The following NPAS3 variants were observed in gnomAD, a reference collection of about 807,000 sequenced individuals.
The protein encoded by NPAS3 is neuronal PAS domain protein 3.
Under a neutral mutation model 73.1 loss-of-function variants are expected in NPAS3, and 14 were observed. That is an observed-to-expected ratio of 0.19 (90% CI 0.13 to 0.30). NPAS3 has a LOEUF of 0.30. Ranked by LOEUF, NPAS3 falls within the 10% of genes least tolerant of loss-of-function variation. NPAS3 has a pLI of 1.00. For missense variants in NPAS3, 1,096 were observed against 1,250.0 expected (o/e 0.88, Z 1.86); for synonymous variants, 620 against 541.5 (o/e 1.14, Z -2.01).
intron 2 of NPAS3, among the ~76,000 whole-genome samples, chr14:33,105,358 G>T (rs1347201692): frequency 1.3e-5 from 2 of 152,106 alleles, no homozygotes; most frequent in Non-Finnish European, 2.9e-5. Context: ...AGATAAATGT[G>T]GTAAGAAATG....
chr14:33,216,991 G>A (rs1257129036), intron 3 of NPAS3, among the ~76,000 whole-genome samples: 7 of 152,140 alleles, frequency 4.6e-5, no homozygotes, highest in Non-Finnish European at 8.8e-5. Context: ...AAAACTACCC[G>A]AGAATGGATA....
chr14:33,446,236 C>T (rs1407024723), intron 4 of NPAS3, among the ~76,000 whole-genome samples: 3 of 141,070 alleles, frequency 2.1e-5, no homozygotes, highest in Admixed American at 7.6e-5. Flanking sequence ...ACTGCAGTGG[C>T]GCAATCTCGG....
intron 6 of NPAS3, among the ~76,000 whole-genome samples, chr14:33,717,230 CAAAAAAAA>C (rs35800734): frequency 9.8e-6 from 1 of 102,218 alleles, no homozygotes; most frequent in Non-Finnish European, 2.0e-5. Context: ...TGATCATGGC[CAAAAAAAA>C]AAAAAAAAAA....
intron 9 of NPAS3, among the ~76,000 whole-genome samples, chr14:33,790,391 T>C (rs1183368360): frequency 1.3e-5 from 2 of 152,204 alleles, no homozygotes; most frequent in Non-Finnish European, 2.9e-5. Context: ...TTTTCTGTGT[T>C]TTTCAAGTTC....
rs376780700 is a variant in NPAS3 at position 33,022,652 on chromosome 14, G to A, written c.51-33253G>A. Among the ~76,000 whole-genome samples the A allele has an allele frequency of 5.5e-5, 7 of 126,994 alleles. No individual in the cohort carries two copies. In the East Asian group the frequency reaches 8.7e-4, roughly 16 times the overall value. The allele number at this position is 126,994 out of a possible 152,430, so 83.3% of individuals were successfully genotyped here. On this transcript the variant is annotated intron_variant, in intron 1 of 11. Coordinates refer to ENST00000356141, the Ensembl canonical transcript of NPAS3. ...CGCACTCCAGCCTGGGCGACAGAGC[G>A]AGACTCCGTCCCAAAAAAAAAAAAA...
chr14:33,469,992 C>A (rs1032637021), intron 4 of NPAS3, among the ~76,000 whole-genome samples: 1 of 152,128 alleles, frequency 6.6e-6, no homozygotes, highest in Non-Finnish European at 1.5e-5. Flanking sequence ...TAGTCTGCAG[C>A]CACACTCCAA....
At chr14:32,996,382 C>T (rs376175334) in intron 1 of NPAS3, among the ~76,000 whole-genome samples, 66 of 152,174 alleles carry the variant, frequency 4.3e-4, no homozygotes, top group African/African-American at 1.5e-3. Context: ...CAGAAATTTG[C>T]ATAAATAACG....
chr14:33,251,683 A>C (rs2048590169), intron 3 of NPAS3, among the ~76,000 whole-genome samples: 1 of 152,100 alleles, frequency 6.6e-6, no homozygotes, highest in Non-Finnish European at 1.5e-5. Context: ...AACAAATATG[A>C]AAAAAATCTT....
At position 33,557,741 on chromosome 14, in the gene NPAS3, G is replaced by A. The variant is rs1030806211; in HGVS notation, c.469-2380G>A. 5.9e-5 allele frequency among the ~76,000 whole-genome samples: 9 copies of A among 152,142 alleles called. No homozygotes were observed. The East Asian group carries it at 7.7e-4, about 13-fold the overall frequency. ...TCCCAGCACTTTGGGAGGCCGAGGC[G>A]GGCAGATCACGAGGTCAGGAGATCA... On this transcript the variant is annotated intron_variant, in intron 4 of 11. Coordinates refer to ENST00000356141, the Ensembl canonical transcript of NPAS3.
At chr14:33,105,068 T>G (rs909342998) in intron 2 of NPAS3, among the ~76,000 whole-genome samples, 4 of 152,162 alleles carry the variant, frequency 2.6e-5, no homozygotes, top group African/African-American at 9.7e-5. Flanking sequence ...TGGAGAAGTG[T>G]GTATATATAT....
chr14:33,411,297 C>G (rs1333500904), intron 4 of NPAS3, among the ~76,000 whole-genome samples: 2 of 152,188 alleles, frequency 1.3e-5, no homozygotes, highest in Non-Finnish European at 1.5e-5. Context: ...ATTCTCCTGC[C>G]GCAGCCTCCC....
chr14:33,439,640 A>G (rs2049148055), intron 4 of NPAS3, among the ~76,000 whole-genome samples: 2 of 152,250 alleles, frequency 1.3e-5, no homozygotes, highest in Admixed American at 6.5e-5. Context: ...TTTAAAAATG[A>G]TAAATTAAGA....
chr14:33,113,260 G>T (rs2042954775), intron 2 of NPAS3, among the ~76,000 whole-genome samples: 1 of 152,140 alleles, frequency 6.6e-6, no homozygotes, highest in African/African-American at 2.4e-5. Context: ...ATCTTGGGTA[G>T]TATGGCCATT....
chr14:33,197,177 T>C (rs377382835), intron 2 of NPAS3, among the ~76,000 whole-genome samples: 1 of 151,876 alleles, frequency 6.6e-6, no homozygotes, highest in East Asian at 1.9e-4. Flanking sequence ...CTGTATCGCA[T>C]ATACAGGGGT....
At chr14:33,211,431 G>A (rs944383301) in intron 2 of NPAS3, among the ~76,000 whole-genome samples, 1 of 152,140 alleles carries the variant, frequency 6.6e-6, no homozygotes, top group Non-Finnish European at 1.5e-5. Context: ...GTGCATGCCT[G>A]TAGTCCCAGC....
At chr14:33,728,155 A>G (rs1392812351) in intron 6 of NPAS3, among the ~76,000 whole-genome samples, 2 of 152,182 alleles carry the variant, frequency 1.3e-5, no homozygotes, top group Non-Finnish European at 2.9e-5. Flanking sequence ...CTCAGGGGAC[A>G]GTCTCACCAA....
At chr14:32,976,447 A>C (rs1302942782) in intron 1 of NPAS3, among the ~76,000 whole-genome samples, 3 of 152,244 alleles carry the variant, frequency 2.0e-5, no homozygotes, top group Non-Finnish European at 4.4e-5. Context: ...TGTCACACAC[A>C]TGCTGTATCA....
chr14:33,628,230 G>A (rs1400616950), intron 5 of NPAS3, among the ~76,000 whole-genome samples: 1 of 152,156 alleles, frequency 6.6e-6, no homozygotes. Context: ...ATGGAGATCT[G>A]CTTATAAGCA....
chr14:33,447,646 G>C (rs1035555390), intron 4 of NPAS3, among the ~76,000 whole-genome samples: 1 of 152,150 alleles, frequency 6.6e-6, no homozygotes, highest in Non-Finnish European at 1.5e-5. Context: ...GGGCAAAGTG[G>C]CACATACCTG....
Sources: gnomAD v4.1 joint callset for allele counts (sites outside exome capture counted in the v4.1 genomes callset) on GRCh38, gnomAD v4.1.1 for gene constraint, MANE v1.5 for transcripts, NCBI Gene and HGNC (gene_info 2026-07-23, HGNC 2026-07-21) for gene names.